CLDN10: variants seen among roughly 807,000 people sequenced by gnomAD.
CLDN10 encodes claudin-10.
A neutral mutation model predicts 22.9 loss-of-function variants in CLDN10; 15 were observed. The ratio of observed to expected loss-of-function variants is 0.65; its 90% CI spans 0.44 to 1.01. The LOEUF (loss-of-function observed/expected upper bound fraction) is 1.01, where lower values mean the gene tolerates loss of function less well. Ranked by LOEUF, CLDN10 falls within the 50% of genes least tolerant of loss-of-function variation. CLDN10 has a pLI of 0.00. For synonymous variants in CLDN10, 114 were observed against 111.4 expected, an observed-to-expected ratio of 1.02 and a Z score of -0.15; for missense variants, 247 against 287.8, an observed-to-expected ratio of 0.86 and a Z score of 1.03.
intron 3 of CLDN10, among the ~76,000 whole-genome samples, chr13:95,575,035 TTAGA>T (rs2043906802): frequency 6.6e-6 from 1 of 152,092 alleles, no homozygotes; most frequent in African/African-American, 2.4e-5. Flanking sequence ...CTATTAATAA[TTAGA>T]TATTTATTTA....
At chr13:95,491,612 T>TG (rs1594559623) in intron 1 of CLDN10, among the ~76,000 whole-genome samples, 2 of 152,326 alleles carry the variant, frequency 1.3e-5, no homozygotes, top group East Asian at 3.9e-4. Context: ...TTCTCCTTTC[T>TG]CTGGTCCCTC....
chr13:95,461,879 GC>G (rs2042539742), intron 1 of CLDN10, among the ~76,000 whole-genome samples: 1 of 152,034 alleles, frequency 6.6e-6, no homozygotes, highest in Non-Finnish European at 1.5e-5. Flanking sequence ...ATCACTTGAG[GC>G]TAGGAGTTCA....
intron 1 of CLDN10, among the ~76,000 whole-genome samples, chr13:95,439,471 C>T (rs1303834330): frequency 6.6e-6 from 1 of 151,868 alleles, no homozygotes; most frequent in Non-Finnish European, 1.5e-5. Flanking sequence ...GTAGCGGGGA[C>T]TACAGGCACC....
At chr13:95,515,083 A>G (rs1176808611) in intron 1 of CLDN10, among the ~76,000 whole-genome samples, 2 of 152,184 alleles carry the variant, frequency 1.3e-5, no homozygotes, top group African/African-American at 4.8e-5. Flanking sequence ...ATAGCACACT[A>G]TAGCCTTGAA....
intron 1 of CLDN10, among the ~76,000 whole-genome samples, chr13:95,464,639 G>A (rs956874415): frequency 5.9e-5 from 9 of 152,206 alleles, no homozygotes; most frequent in East Asian, 3.9e-4. Context: ...CTGGAGACCC[G>A]TGATTTTTAT....
At chr13:95,543,861 G>C (rs1164951751) in intron 1 of CLDN10, among the ~76,000 whole-genome samples, 1 of 151,890 alleles carries the variant, frequency 6.6e-6, no homozygotes, top group Non-Finnish European at 1.5e-5. Flanking sequence ...GCAATTATTT[G>C]AGGATTAATT....
chr13:95,527,525 T>C (rs1415878652), intron 1 of CLDN10, among the ~76,000 whole-genome samples: 1 of 150,110 alleles, frequency 6.7e-6, no homozygotes, highest in Non-Finnish European at 1.5e-5. Context: ...AGGTCAGGAG[T>C]TCAAGACCAG....
At chr13:95,510,454 G>A (rs1217442542) in intron 1 of CLDN10, among the ~76,000 whole-genome samples, 1 of 152,144 alleles carries the variant, frequency 6.6e-6, no homozygotes, top group East Asian at 1.9e-4. Context: ...CTAGTTCTTT[G>A]TGCTGGCATC....
intron 1 of CLDN10, among the ~76,000 whole-genome samples, chr13:95,556,523 C>T (rs770029357): frequency 2.6e-5 from 4 of 152,208 alleles, no homozygotes; most frequent in East Asian, 1.9e-4. Context: ...TATAATATGA[C>T]GGGATGCTTT....
chr13:95,488,920 C>T (rs548587108), intron 1 of CLDN10, among the ~76,000 whole-genome samples: 1 of 148,398 alleles, frequency 6.7e-6, no homozygotes, highest in South Asian at 2.1e-4. Flanking sequence ...AGTGGGATTG[C>T]TGGATCAAAT....
intron 1 of CLDN10, among the ~76,000 whole-genome samples, chr13:95,500,870 G>T (rs1170198615): frequency 6.6e-6 from 1 of 152,080 alleles, no homozygotes; most frequent in Non-Finnish European, 1.5e-5. Context: ...GATTTGAATG[G>T]AAGGGTGACA....
intron 1 of CLDN10, among the ~76,000 whole-genome samples, chr13:95,452,928 C>T (rs779138649): frequency 7.2e-5 from 11 of 152,196 alleles, no homozygotes; most frequent in Admixed American, 1.3e-4. Flanking sequence ...CAACCATACA[C>T]ACACTCCCCA....
At chr13:95,550,519 G>A (rs1466071451), upstream of CLDN10, among the ~76,000 whole-genome samples, 1 of 152,128 alleles carries the variant, frequency 6.6e-6, no homozygotes, top group Non-Finnish European at 1.5e-5. Flanking sequence ...TATCGAACAA[G>A]GCCAGGAAAT....
At chr13:95,457,197 GCAGATC>G (rs895710501) in intron 1 of CLDN10, among the ~76,000 whole-genome samples, 4 of 152,076 alleles carry the variant, frequency 2.6e-5, no homozygotes, top group African/African-American at 9.7e-5. Flanking sequence ...GCATATGGAG[GCAGATC>G]CAATTCCTAG....
chr13:95,566,314 C>T (rs2043787325), intron 3 of CLDN10, among the ~76,000 whole-genome samples: 1 of 152,156 alleles, frequency 6.6e-6, no homozygotes, highest in South Asian at 2.1e-4. Flanking sequence ...TAATGATCGC[C>T]ATTCTAACTG....
At chr13:95,573,133 T>C (rs1451829615) in intron 3 of CLDN10, among the ~76,000 whole-genome samples, 1 of 152,186 alleles carries the variant, frequency 6.6e-6, no homozygotes, top group Non-Finnish European at 1.5e-5. Context: ...GGTTTCTTCT[T>C]TGAGAAAATA....
chr13:95,486,161 C>G (rs1218433024), intron 1 of CLDN10, among the ~76,000 whole-genome samples: 2 of 152,026 alleles, frequency 1.3e-5, no homozygotes, highest in African/African-American at 4.8e-5. Context: ...TTCTGTTGTG[C>G]CTTGCTGCCT....
intron 1 of CLDN10, among the ~76,000 whole-genome samples, chr13:95,487,823 C>A (rs949266493): frequency 6.6e-6 from 1 of 151,684 alleles, no homozygotes; most frequent in African/African-American, 2.4e-5. Context: ...TACAGGTGCA[C>A]ACCACCATGC....
intron 1 of CLDN10, among the ~76,000 whole-genome samples, chr13:95,543,746 A>G (rs1483269480): frequency 6.6e-6 from 1 of 152,096 alleles, no homozygotes; most frequent in Non-Finnish European, 1.5e-5. Context: ...ATATTTTTCT[A>G]TTCCTTTCAT....
Sources: gnomAD v4.1 joint callset for allele counts (sites outside exome capture counted in the v4.1 genomes callset) on GRCh38, gnomAD v4.1.1 for gene constraint, MANE v1.5 for transcripts, NCBI Gene and HGNC (gene_info 2026-07-23, HGNC 2026-07-21) for gene names.